The following CHD2 variants were observed in gnomAD, a reference collection of about 807,000 sequenced individuals.
The protein encoded by CHD2 is ATP-dependent chromatin remodeler CHD2.
Under a neutral mutation model 243.9 loss-of-function variants are expected in CHD2, and 28 were observed. That is an observed-to-expected ratio of 0.11 (90% confidence interval 0.09 to 0.16). CHD2 has a LOEUF of 0.16. Among genes scored for constraint, CHD2 ranks in the 10% least tolerant of loss-of-function variants. The probability of loss-of-function intolerance (pLI) is 1.00; values close to 1 mark genes in which losing one functional copy is unlikely to be tolerated. For missense variants in CHD2, 1,386 were observed against 2,209.8 expected, an observed-to-expected ratio of 0.63 and a Z score of 7.47; for synonymous variants, 775 against 779.0, an observed-to-expected ratio of 0.99 and a Z score of 0.09.
rs919245693 is a variant in CHD2, at chr15:92,939,826, G to A, written c.692+108G>A. On this transcript the variant is annotated intron_variant, in intron 7 of 38. Coordinates refer to ENST00000394196, the MANE Select transcript of CHD2 (RefSeq NM_001271.4). ...GTGCACTTAATAGATAAAAATAACA[G>A]CCTATGTCCTGAAGTTGTTTTCAGA... The A allele has an allele frequency of 5.9e-6, 7 of 1,180,388 alleles. No homozygotes were observed. The African/African-American group carries it at 6.2e-5, about 10-fold the overall frequency. 73.1% of individuals were successfully genotyped at this position (1,180,388 alleles called of 1,614,324 possible). A position where few individuals can be genotyped will look rare whatever the true frequency, so the allele number is the denominator to read the frequency against.
chr15:93,010,180 A>G (rs1351140628), intron 35 of CHD2, among the ~76,000 whole-genome samples: 1 of 152,222 alleles, frequency 6.6e-6, no homozygotes, highest in Non-Finnish European at 1.5e-5. Flanking sequence ...ATGGCTGAGT[A>G]GTATTCCATG....
chr15:92,908,102 G>C (rs117258744), intron 2 of CHD2, among the ~76,000 whole-genome samples: 1,688 of 146,124 alleles, frequency 0.012, 23 homozygotes, highest in Non-Finnish European at 0.018. Flanking sequence ...ATCACAGCCC[G>C]GCTTTTGCCA....
chr15:92,958,649 A>AT (rs2053646163), intron 16 of CHD2, among the ~76,000 whole-genome samples: 1 of 152,228 alleles, frequency 6.6e-6, no homozygotes, highest in Non-Finnish European at 1.5e-5. Flanking sequence ...CTTTATCAGT[A>AT]CAGTCCCCAA....
chr15:92,934,095 GA>G (rs1242897046), intron 5 of CHD2, among the ~76,000 whole-genome samples: 1 of 152,088 alleles, frequency 6.6e-6, no homozygotes, highest in Non-Finnish European at 1.5e-5. Context: ...CTAAGTGGAG[GA>G]AAAAGGAGTT....
intron 16 of CHD2, among the ~76,000 whole-genome samples, chr15:92,961,225 C>T (rs1473706327): frequency 1.3e-5 from 2 of 152,150 alleles, no homozygotes; most frequent in Non-Finnish European, 2.9e-5. Context: ...TGTCAACCTT[C>T]ACTTTGTGGG....
intron 7 of CHD2, among the ~76,000 whole-genome samples, chr15:92,940,901 T>A (rs1009002538): frequency 1.3e-4 from 11 of 86,640 alleles, no homozygotes; most frequent in African/African-American, 3.9e-4. Flanking sequence ...AAAATATATA[T>A]AAATATATAT....
At chr15:92,912,574 C>G (rs1434017601) in intron 2 of CHD2, among the ~76,000 whole-genome samples, 1 of 152,174 alleles carries the variant, frequency 6.6e-6, no homozygotes, top group Non-Finnish European at 1.5e-5. Flanking sequence ...CGCTTTGTTG[C>G]CTGAGCTAGA....
At chr15:92,950,935 T>C (rs1052141822) in intron 13 of CHD2, among the ~76,000 whole-genome samples, 2 of 152,158 alleles carry the variant, frequency 1.3e-5, no homozygotes, top group African/African-American at 4.8e-5. Flanking sequence ...CTTGAGAAGA[T>C]TGAGAATGTG....
At position 92,900,510 on chromosome 15, in the gene CHD2, T is replaced by C. The variant is rs1254779610; in HGVS notation, c.-386T>C. The C allele has an allele frequency of 2.5e-6, 1 of 398,628 alleles. No homozygotes were observed. The highest frequency in any genetic ancestry group is 4.4e-6 in the Non-Finnish European group (1 of 226,026). 24.7% of individuals were successfully genotyped at this position (398,628 alleles called of 1,614,324 possible). On this transcript the variant is annotated 5_prime_UTR_variant, in exon 1 of 39. Transcript: ENST00000394196. ...AACCTTTTTTTGGGAGAAAAGCAGCTTTTAGGAGCTTTCTTTTCGTGCCTT... is the reference window on the plus strand; with the variant it reads ...AACCTTTTTTTGGGAGAAAAGCAGCCTTTAGGAGCTTTCTTTTCGTGCCTT...
At chr15:92,957,740 T>C (rs1157342295) in intron 16 of CHD2, among the ~76,000 whole-genome samples, 1 of 152,168 alleles carries the variant, frequency 6.6e-6, no homozygotes, top group Non-Finnish European at 1.5e-5. Flanking sequence ...AGTAACTTTA[T>C]AGTTTGCAAC....
In CHD2 at chr15:93,020,082, C is replaced by T. The variant is rs769365893; in HGVS notation, c.4977C>T (p.Ser1659=). ...GGGNNNPPWG[S]DRHHQYEQHW... Reference sequence around the variant, plus strand: ...GCAACAACAATCCACCATGGGGAAGCGACAGGCACCATCAGTATGAGCAGC... The same window carrying T: ...GCAACAACAATCCACCATGGGGAAGTGACAGGCACCATCAGTATGAGCAGC... Residue 1659 remains serine, a synonymous_variant, in exon 38 of 39, where the codon AGC becomes AGT. Coordinates refer to ENST00000394196, the MANE Select transcript of CHD2 (RefSeq NM_001271.4). The T allele has an allele frequency of 4.8e-5, 78 of 1,614,052 alleles. 1 individual carries two copies. The Middle Eastern group carries it at 4.9e-4, about 10-fold the overall frequency.
At position 92,910,349 on chromosome 15, in the gene CHD2, A is replaced by T. The variant is rs193113167; in HGVS notation, c.62+9050A>T. 7.9e-5 allele frequency among the ~76,000 whole-genome samples: 12 copies of T among 152,284 alleles called. 1 individual carries two copies. The East Asian group carries it at 1.7e-3, about 22-fold the overall frequency. On this transcript the variant is annotated intron_variant, in intron 2 of 38. Transcript: ENST00000394196. ...CAACTCACTAAATGAATGATTACAT[A>T]GTCCTCTTCCTTTAAAGGCCTGTGG...
At chr15:93,004,788 C>G in intron 34 of CHD2, 37 bp downstream of exon 34, 1 of 1,598,230 alleles carries the variant, frequency 6.3e-7, no homozygotes, top group Non-Finnish European at 8.5e-7. Context: ...GTGTCTGCAG[C>G]CGCGGTACTT....
At chr15:93,013,715 A>G (rs959825948) in intron 36 of CHD2, among the ~76,000 whole-genome samples, 2 of 152,104 alleles carry the variant, frequency 1.3e-5, no homozygotes, top group African/African-American at 4.8e-5. Context: ...CGGGTGGATC[A>G]CTTGAGGCCG....
chr15:92,937,938 G>A (rs920939323), intron 6 of CHD2, among the ~76,000 whole-genome samples: 48 of 152,208 alleles, frequency 3.2e-4, no homozygotes, highest in Admixed American at 2.9e-3. Flanking sequence ...AAGCATACTT[G>A]AGTGGTTTAT....
intron 14 of CHD2, 79 bp downstream of exon 14, chr15:92,953,652 C>A: frequency 7.7e-7 from 1 of 1,295,496 alleles, no homozygotes; most frequent in Non-Finnish European, 1.1e-6. Flanking sequence ...TTCAGTAGAT[C>A]ATCAGTAAAA....
At chr15:92,956,709 T>C in intron 16 of CHD2, 60 bp downstream of exon 16, 1 of 1,496,192 alleles carries the variant, frequency 6.7e-7, no homozygotes, top group South Asian at 1.3e-5. Context: ...CAATGCTTTT[T>C]AACTTTCTTA....
At chr15:93,015,460 A>T (rs1189610336) in intron 37 of CHD2, among the ~76,000 whole-genome samples, 1 of 152,076 alleles carries the variant, frequency 6.6e-6, no homozygotes, top group African/African-American at 2.4e-5. Context: ...AGAAGTTTAC[A>T]TTCTGTATGA....
At chr15:93,024,230 G>C in intron 38 of CHD2, 142 bp from the exon 39 acceptor site, 1 of 722,762 alleles carries the variant, frequency 1.4e-6, no homozygotes, top group South Asian at 1.9e-5. Context: ...AAATGACTCT[G>C]TTATTAATTT....
Sources: gnomAD v4.1 joint callset for allele counts (sites outside exome capture counted in the v4.1 genomes callset) on GRCh38, gnomAD v4.1.1 for gene constraint, MANE v1.5 for transcripts, NCBI Gene and HGNC (gene_info 2026-07-23, HGNC 2026-07-21) for gene names.